Variants in CNBD2 observed in about 807,000 individuals in gnomAD.
CNBD2 encodes the protein cyclic nucleotide-binding domain-containing protein 2.
A neutral mutation model predicts 63.7 loss-of-function variants in CNBD2; 64 were observed. That is an observed-to-expected ratio of 1.00 (90% CI 0.82 to 1.24). The LOEUF is 1.24. CNBD2 is among the 50% of genes most tolerant of loss of function. The pLI is 0.00. For missense variants in CNBD2, 691 were observed against 713.5 expected (o/e 0.97, Z 0.36); for synonymous variants, 229 against 255.4 (o/e 0.90, Z 0.99).
intron 2 of CNBD2, among the ~76,000 whole-genome samples, chr20:35,963,380 T>C (rs905050450): frequency 1.3e-5 from 2 of 149,214 alleles, no homozygotes; most frequent in African/African-American, 4.9e-5. Flanking sequence ...ATCAGAAAAT[T>C]AGTCTACTTA....
intron 11 of CNBD2, among the ~76,000 whole-genome samples, chr20:36,027,608 G>A (rs2057296923): frequency 6.6e-6 from 1 of 152,004 alleles, no homozygotes; most frequent in Non-Finnish European, 1.5e-5. Flanking sequence ...AGATCTTGTT[G>A]CTTAAGACAA....
chr20:35,964,359 T>G (rs974713354), upstream of CNBD2, among the ~76,000 whole-genome samples: 48 of 151,396 alleles, frequency 3.2e-4, no homozygotes, highest in African/African-American at 1.1e-3. Context: ...TTTGTATTTT[T>G]AGTAGAGATG....
At chr20:35,975,922 C>G in intron 2 of CNBD2, 27 bp from the exon 3 acceptor site, 1 of 1,607,844 alleles carries the variant, frequency 6.2e-7, no homozygotes, top group Middle Eastern at 1.7e-4. Flanking sequence ...CTGATTCTCC[C>G]TCTTCTCCCT....
intron 6 of CNBD2, among the ~76,000 whole-genome samples, chr20:35,985,780 G>T (rs772906820): frequency 2.6e-5 from 4 of 152,088 alleles, no homozygotes; most frequent in African/African-American, 9.7e-5. Context: ...AAGCCACTGC[G>T]CCTGGCCCAA....
At chr20:35,984,234 G>A (rs2056635815) in intron 5 of CNBD2, 96 bp downstream of exon 5, 1 of 1,306,414 alleles carries the variant, frequency 7.7e-7, no homozygotes, top group Non-Finnish European at 1.1e-6. Flanking sequence ...GTCCTGCCTA[G>A]TACTCTGTAC....
chr20:36,025,326 A>G (rs1421076743), intron 11 of CNBD2, among the ~76,000 whole-genome samples: 2 of 151,578 alleles, frequency 1.3e-5, no homozygotes, highest in African/African-American at 4.8e-5. Flanking sequence ...CTCATGTTTT[A>G]TTTTATTTTT....
intron 8 of CNBD2, 130 bp downstream of exon 8, chr20:35,995,282 G>A: frequency 3.5e-6 from 2 of 575,422 alleles, no homozygotes; most frequent in South Asian, 2.4e-5. Context: ...CCTTCTACCA[G>A]CGGTGGAAAC....
At chr20:35,969,315 C>G (rs542804139) in intron 1 of CNBD2, among the ~76,000 whole-genome samples, 1 of 152,212 alleles carries the variant, frequency 6.6e-6, no homozygotes, top group African/African-American at 2.4e-5. Flanking sequence ...TGGATAATGC[C>G]TGACAATAGT....
At chr20:35,957,899 A>G (rs2056272098), downstream of CNBD2, 1 of 152,230 alleles carries the variant, frequency 6.6e-6, no homozygotes, top group Middle Eastern at 3.4e-3. Context: ...ATCTCATATC[A>G]CTTAGCTTCC....
At chr20:35,972,525 G>T in intron 1 of CNBD2, 104 bp from the exon 2 acceptor site, 1 of 1,077,756 alleles carries the variant, frequency 9.3e-7, no homozygotes, top group Non-Finnish European at 1.4e-6. Context: ...GCACACTACT[G>T]CATTTAATCC....
In CNBD2 at chr20:35,993,132, G is replaced by A. The variant is rs141305822; in HGVS notation, c.856-1906G>A. Among the ~76,000 whole-genome samples the A allele has an allele frequency of 2.7e-3, 407 of 150,762 alleles. 1 individual carries two copies. The highest frequency in any genetic ancestry group is 9.2e-3 in the African/African-American group (380 of 41,222). ...TCATGTTGTTTCTCTGGCACCTGCA[G>A]TTCCCCTATAGCTCAAAAAAAAGAA... On this transcript the variant is annotated intron_variant, in intron 7 of 11. Transcript: ENST00000373973.
chr20:36,022,217 T>TTTTTTTTTTTTTTG (rs561441076), intron 10 of CNBD2, among the ~76,000 whole-genome samples: 7 of 107,120 alleles, frequency 6.5e-5, no homozygotes, highest in African/African-American at 2.5e-4. Context: ...TTTTTTTTTT[T>TTTTTTTTTTTTTTG]GAGATGGAGT....
At chr20:35,987,642 A>T in intron 7 of CNBD2, 109 bp downstream of exon 7, 2 of 1,254,272 alleles carry the variant, frequency 1.6e-6, no homozygotes, top group Non-Finnish European at 2.2e-6. Flanking sequence ...AACCTGTGCA[A>T]TTCACTTCCT....
upstream of CNBD2, chr20:35,968,527 T>C: frequency 2.3e-6 from 1 of 440,152 alleles, no homozygotes; most frequent in Non-Finnish European, 4.2e-6. Context: ...TTCCAATCCC[T>C]GTGTCCCCTG....
At chr20:36,006,698 G>A (rs561116585) in intron 8 of CNBD2, among the ~76,000 whole-genome samples, 7 of 152,268 alleles carry the variant, frequency 4.6e-5, no homozygotes, top group East Asian at 1.9e-4. Flanking sequence ...TTACAGTGGC[G>A]TGAGCCACTG....
At chr20:35,990,811 C>T (rs368975251) in intron 7 of CNBD2, among the ~76,000 whole-genome samples, 42 of 150,980 alleles carry the variant, frequency 2.8e-4, no homozygotes, top group African/African-American at 9.5e-4. Context: ...ACTAGCCAGG[C>T]GTGGTGGTGT....
Position 35,960,938 on chromosome 20 carries a change from T to G in CNBD2, c.228+3164T>G, listed in dbSNP as rs367946066. On this transcript the variant is annotated intron_variant, in intron 2 of 4. Coordinates refer to the CNBD2 transcript ENST00000622112. ...TCATCTTGCTCTGTCGCCACCCCCC[T>G]CCTCCCGCTTTTTCTTTCCTCTCGC... is the stretch of plus-strand genomic sequence containing the variant. Among the ~76,000 whole-genome samples the G allele has an allele frequency of 4.4e-4, 60 of 137,396 alleles. 1 individual carries two copies. In the Middle Eastern group the frequency reaches 0.018, roughly 41 times the overall value. 90.1% of individuals were successfully genotyped at this position (137,396 alleles called of 152,430 possible). A position where few individuals can be genotyped will look rare whatever the true frequency, so the allele number is the denominator to read the frequency against.
upstream of CNBD2, among the ~76,000 whole-genome samples, chr20:35,964,087 G>T (rs1568841564): frequency 6.6e-6 from 1 of 152,190 alleles, no homozygotes; most frequent in African/African-American, 2.4e-5. Flanking sequence ...TGCCAGCCCA[G>T]CCTCCTTCCT....
intron 8 of CNBD2, among the ~76,000 whole-genome samples, chr20:36,006,986 G>T (rs924347391): frequency 6.6e-6 from 1 of 152,086 alleles, no homozygotes; most frequent in African/African-American, 2.4e-5. Context: ...TCAGGAGATT[G>T]AGACAATCCT....
Sources: gnomAD v4.1 joint callset for allele counts (sites outside exome capture counted in the v4.1 genomes callset) on GRCh38, gnomAD v4.1.1 for gene constraint, MANE v1.5 for transcripts, NCBI Gene and HGNC (gene_info 2026-07-23, HGNC 2026-07-21) for gene names.